The following ENTREP2 variants were observed in gnomAD, a reference collection of about 807,000 sequenced individuals.
ENTREP2 encodes endosomal transmembrane epsin interactor 2.
chr15:29,241,420 A>AT, the ENTREP2 span, among the ~76,000 whole-genome samples: 3,112 of 142,348 alleles, frequency 0.022, 111 homozygotes, highest in African/African-American at 0.073. Context: ...GTACATAAAT[A>AT]TATATGTGCA....
the ENTREP2 span, among the ~76,000 whole-genome samples, chr15:29,629,814 C>T: frequency 2.6e-5 from 4 of 152,084 alleles, no homozygotes; most frequent in African/African-American, 9.7e-5. Flanking sequence ...GTTTCTTTAG[C>T]TGTTCTTTAA....
the ENTREP2 span, among the ~76,000 whole-genome samples, chr15:29,180,982 GAAAC>G: frequency 1.3e-5 from 2 of 151,286 alleles, no homozygotes; most frequent in African/African-American, 2.4e-5. Flanking sequence ...AATGAAATAA[GAAAC>G]AAAGCAATGA....
chr15:29,551,456 A>AACCCTGACCTCTGTGCT, the ENTREP2 span, among the ~76,000 whole-genome samples: 20 of 152,242 alleles, frequency 1.3e-4, no homozygotes, highest in African/African-American at 4.8e-4. Flanking sequence ...TGCATCTAAG[A>AACCCTGACCTCTGTGCT]ACCCTGACCT....
the ENTREP2 span, among the ~76,000 whole-genome samples, chr15:29,410,216 T>C: frequency 6.6e-6 from 1 of 152,202 alleles, no homozygotes; most frequent in Admixed American, 6.5e-5. Flanking sequence ...TTCCTTTCCT[T>C]TCTCTCTGAA....
At chr15:29,300,650 G>A in the ENTREP2 span, among the ~76,000 whole-genome samples, 1 of 152,162 alleles carries the variant, frequency 6.6e-6, no homozygotes, top group Non-Finnish European at 1.5e-5. Flanking sequence ...CCAGGCCGGA[G>A]TGCAGTGGTG....
At chr15:29,571,932 G>C in the ENTREP2 span, among the ~76,000 whole-genome samples, 1 of 152,176 alleles carries the variant, frequency 6.6e-6, no homozygotes, top group African/African-American at 2.4e-5. Context: ...GTAATAAAGG[G>C]AAACGGCCGG....
chr15:29,362,086 C>G, the ENTREP2 span, among the ~76,000 whole-genome samples: 3 of 152,168 alleles, frequency 2.0e-5, no homozygotes, highest in Admixed American at 6.5e-5. Context: ...AGAGGCACAT[C>G]CCAGGGCTTC....
chr15:29,368,893 AC>A, the ENTREP2 span, among the ~76,000 whole-genome samples: 1 of 152,062 alleles, frequency 6.6e-6, no homozygotes, highest in Non-Finnish European at 1.5e-5. Context: ...AAAAAAAATA[AC>A]CAAATAGAAA....
chr15:29,375,638 C>A, the ENTREP2 span: 6 of 152,312 alleles, frequency 3.9e-5, no homozygotes, highest in African/African-American at 2.4e-5. Flanking sequence ...GCGAGAGGAA[C>A]CTCAGCATCC....
chr15:29,527,273 G>A, the ENTREP2 span, among the ~76,000 whole-genome samples: 1 of 152,072 alleles, frequency 6.6e-6, no homozygotes, highest in African/African-American at 2.4e-5. Context: ...CCTTTGCTGG[G>A]TTTCAGGACA....
At chr15:29,427,235 T>C in the ENTREP2 span, among the ~76,000 whole-genome samples, 1 of 152,148 alleles carries the variant, frequency 6.6e-6, no homozygotes, top group East Asian at 1.9e-4. Flanking sequence ...CTGCAACAAC[T>C]TTCAAAGAAG....
chr15:29,675,190 G>A, the ENTREP2 span: 1 of 152,852 alleles, frequency 6.5e-6, no homozygotes, highest in Non-Finnish European at 1.5e-5. Context: ...CTGCCTCCTG[G>A]CCGCCTCTGC....
chr15:29,371,863 G>A, the ENTREP2 span, among the ~76,000 whole-genome samples: 1 of 151,878 alleles, frequency 6.6e-6, no homozygotes, highest in Non-Finnish European at 1.5e-5. Context: ...TTAGAAGGTA[G>A]AGCATCTATC....
At chr15:29,596,700 C>T in the ENTREP2 span, among the ~76,000 whole-genome samples, 24 of 152,038 alleles carry the variant, frequency 1.6e-4, no homozygotes, top group African/African-American at 5.8e-4. Context: ...CAGATTCTTG[C>T]TCTGTTATTC....
chr15:29,548,943 T>C, the ENTREP2 span, among the ~76,000 whole-genome samples: 4 of 152,192 alleles, frequency 2.6e-5, no homozygotes, highest in Non-Finnish European at 5.9e-5. Flanking sequence ...TAACTTAGTA[T>C]GCAAACTAAT....
the ENTREP2 span, among the ~76,000 whole-genome samples, chr15:29,248,537 AAAAC>A: frequency 6.6e-6 from 1 of 152,172 alleles, no homozygotes; most frequent in African/African-American, 2.4e-5. Context: ...ACATACAGAC[AAAAC>A]AGAGAAGAAA....
At chr15:29,123,357 G>A in the ENTREP2 span, 1,218,386 of 1,538,728 alleles carry the variant, frequency 0.79, 492,719 homozygotes, top group Middle Eastern at 0.86. Context: ...GGTCCAGAAC[G>A]TCAGCGCCGA....
chr15:29,136,244 G>T, the ENTREP2 span: 1 of 1,089,254 alleles, frequency 9.2e-7, no homozygotes, highest in South Asian at 1.9e-5. Flanking sequence ...GGGCGCTCAT[G>T]AGTGTTCACC....
the ENTREP2 span, among the ~76,000 whole-genome samples, chr15:29,353,487 A>G: frequency 4.6e-5 from 7 of 152,220 alleles, no homozygotes; most frequent in Non-Finnish European, 1.0e-4. Context: ...ACATAAGCGT[A>G]TGAATCTATG....
Sources: allele counts gnomAD v4.1 joint callset (sites outside exome capture counted in the v4.1 genomes callset), GRCh38; gene constraint gnomAD v4.1.1; transcripts MANE v1.5; gene names NCBI Gene and HGNC (gene_info 2026-07-23, HGNC 2026-07-21).